TUFT1: variants seen among roughly 807,000 people sequenced by gnomAD.
TUFT1 encodes the protein tuftelin.
A neutral mutation model predicts 57.8 loss-of-function variants in TUFT1; 43 were observed. The ratio of observed to expected loss-of-function variants is 0.74; its 90% CI spans 0.58 to 0.96. The LOEUF is 0.96. TUFT1 is among the 40% of genes least tolerant of loss of function. The probability of loss-of-function intolerance (pLI) is 0.00; values close to 1 mark genes in which losing one functional copy is unlikely to be tolerated. For synonymous variants in TUFT1, 166 were observed against 176.7 expected (o/e 0.94, Z 0.48); for missense variants, 459 against 489.0 (o/e 0.94, Z 0.58).
intron 1 of TUFT1, chr1:151,545,797 C>A (rs975010929): frequency 3.8e-6 from 2 of 531,194 alleles, no homozygotes; most frequent in Non-Finnish European, 7.8e-6. Context: ...AGGGTGAAGA[C>A]CTGAGTAACC....
Position 151,557,108 on chromosome 1 carries a change from A to G in TUFT1, c.61-4983A>G, listed in dbSNP as rs528564616. Reference sequence around the variant, plus strand: ...TTTAGGATTCCATTTTTATTCATTTATAATGTTTTTGAGTGTTATCTCTTT... The same window carrying G: ...TTTAGGATTCCATTTTTATTCATTTGTAATGTTTTTGAGTGTTATCTCTTT... On this transcript the variant is annotated intron_variant, in intron 1 of 12. Coordinates refer to ENST00000368849, the MANE Select transcript of TUFT1 (RefSeq NM_020127.3). Among the ~76,000 whole-genome samples the G allele has an allele frequency of 4.6e-5, 7 of 152,064 alleles. No homozygotes were observed. In the East Asian group the frequency reaches 7.7e-4, roughly 17 times the overall value.
chr1:151,561,789 T>C, intron 1 of TUFT1: 1 of 1,385,862 alleles, frequency 7.2e-7, no homozygotes, highest in Non-Finnish European at 9.5e-7. Flanking sequence ...GAAGAATGCA[T>C]GCAATGTGTT....
chr1:151,557,517 G>A lies in TUFT1; in HGVS notation c.61-4574G>A, dbSNP rs1037389865. 1.3e-5 allele frequency: 18 copies of A among 1,352,960 alleles called. No individual in the cohort carries two copies. The African/African-American group carries it at 2.3e-4, about 17-fold the overall frequency. The allele number at this position is 1,352,960 out of a possible 1,614,324, so 83.8% of individuals were successfully genotyped here. ...AGGAGGGAGTCATGGTGGCCAAGAA[G>A]GATGTCCACATGCCTAAGCACCGGG... On this transcript the variant is annotated intron_variant, in intron 1 of 12. Transcript: ENST00000368849.
In TUFT1 at chr1:151,564,005, C is replaced by T; in HGVS notation, c.324+15C>T. On this transcript the variant is annotated intron_variant, in intron 4 of 12. Coordinates refer to ENST00000368849, the MANE Select transcript of TUFT1 (RefSeq NM_020127.3). Reference sequence around the variant, plus strand: ...ACATCCAGGAGGTGGGCACCCCTTACCTCTCACGCAGTGCCTAGGTCATTT... The same window carrying T: ...ACATCCAGGAGGTGGGCACCCCTTATCTCTCACGCAGTGCCTAGGTCATTT... The T allele has an allele frequency of 6.2e-7, 1 of 1,602,296 alleles. No homozygotes were observed. The highest frequency in any genetic ancestry group is 8.5e-7 in the Non-Finnish European group (1 of 1,170,256).
chr1:151,571,153 AAAGG>A (rs1486328136), intron 7 of TUFT1, among the ~76,000 whole-genome samples: 2 of 152,252 alleles, frequency 1.3e-5, no homozygotes, highest in Non-Finnish European at 2.9e-5. Context: ...GTAAAAAGAG[AAAGG>A]CCAGCTTGAA....
At chr1:151,550,611 C>T (rs142847870) in intron 1 of TUFT1, among the ~76,000 whole-genome samples, 1,850 of 152,318 alleles carry the variant, frequency 0.012, 36 homozygotes, top group African/African-American at 0.042. Flanking sequence ...TTCCAAAGTG[C>T]TGGGATTACA....
chr1:151,561,036 C>G (rs1363456969), intron 1 of TUFT1, among the ~76,000 whole-genome samples: 1 of 151,264 alleles, frequency 6.6e-6, no homozygotes, highest in Non-Finnish European at 1.5e-5. Context: ...CTCTGTCACC[C>G]AGGCTGGAGT....
chr1:151,581,309 A>G (rs975117987), intron 12 of TUFT1, among the ~76,000 whole-genome samples: 1 of 152,302 alleles, frequency 6.6e-6, no homozygotes, highest in East Asian at 1.9e-4. Flanking sequence ...TAATGTTTGC[A>G]TATTTCTAGG....
chr1:151,546,426 T>G (rs980567458), intron 1 of TUFT1, among the ~76,000 whole-genome samples: 1 of 152,226 alleles, frequency 6.6e-6, no homozygotes, highest in African/African-American at 2.4e-5. Context: ...TCAGTGGTTT[T>G]TAGTACATTC....
At chr1:151,546,268 T>TTA (rs1479631949) in intron 1 of TUFT1, among the ~76,000 whole-genome samples, 1 of 152,168 alleles carries the variant, frequency 6.6e-6, no homozygotes, top group Non-Finnish European at 1.5e-5. Flanking sequence ...CTCAAGTAGT[T>TTA]TAATGCCAAG....
At position 151,569,754 on chromosome 1, in the gene TUFT1, A is replaced by T; in HGVS notation, c.578A>T (p.Asp193Val). 1.2e-6 allele frequency: 2 copies of T among 1,613,918 alleles called. No individual in the cohort carries two copies. Among genetic ancestry groups the T allele is most frequent in the South Asian group, 2.2e-5 (2 of 91,072 alleles). ...GAGGCCAAGCGGCAACACCAGTCAGACTGTGTGGCTTTTGAGGTGAGATTT... is the reference window on the plus strand; with the variant it reads ...GAGGCCAAGCGGCAACACCAGTCAGTCTGTGTGGCTTTTGAGGTGAGATTT... ...LQEAKRQHQS[D>V]CVAFEVTLSR... is the part of the protein sequence containing the mutation. Residue 193 changes from aspartate to valine, a missense_variant, in exon 7 of 13, where the codon GAC becomes GTC. By Grantham distance (152) the Asp-to-Val change is radical. Transcript: ENST00000368849.
At chr1:151,557,537 A>G in intron 1 of TUFT1, 2 of 1,229,154 alleles carry the variant, frequency 1.6e-6, no homozygotes, top group Non-Finnish European at 2.4e-6. Flanking sequence ...ATGCCTAAGC[A>G]CCGGGAGCTG....
At chr1:151,553,790 G>A (rs761984396) in intron 1 of TUFT1, among the ~76,000 whole-genome samples, 30 of 152,146 alleles carry the variant, frequency 2.0e-4, no homozygotes, top group Non-Finnish European at 3.5e-4. Flanking sequence ...CAGAGTGTCG[G>A]TTGTTCCACA....
intron 1 of TUFT1, among the ~76,000 whole-genome samples, chr1:151,546,760 C>T (rs752094126): frequency 2.6e-5 from 4 of 152,040 alleles, no homozygotes; most frequent in African/African-American, 9.7e-5. Context: ...CAACTGTGTT[C>T]GTCATGGATA....
At chr1:151,548,562 A>G (rs1345344214) in intron 1 of TUFT1, among the ~76,000 whole-genome samples, 5 of 152,042 alleles carry the variant, frequency 3.3e-5, no homozygotes, top group Admixed American at 2.6e-4. Context: ...TGGCCTCCCA[A>G]AGTGCTGGGA....
At chr1:151,559,087 G>C (rs1424516409) in intron 1 of TUFT1, among the ~76,000 whole-genome samples, 1 of 152,148 alleles carries the variant, frequency 6.6e-6, no homozygotes, top group Non-Finnish European at 1.5e-5. Context: ...CCCTGGTCGA[G>C]ATACTGTTTT....
chr1:151,540,437 G>A lies in TUFT1; in HGVS notation c.60+11G>A. The A allele has an allele frequency of 6.2e-7, 1 of 1,614,160 alleles. No homozygotes were observed. Among genetic ancestry groups the A allele is most frequent in the South Asian group, 1.1e-5 (1 of 91,090 alleles). ...GAGGACCAGGCGGCGGTAAGAAAAA[G>A]CGCTCTCGCTGTCTTCTCCGTTTTG... On this transcript the variant is annotated intron_variant, in intron 1 of 12. Coordinates refer to ENST00000368849, the MANE Select transcript of TUFT1 (RefSeq NM_020127.3).
intron 6 of TUFT1, 70 bp downstream of exon 6, chr1:151,566,298 GTTTA>G (rs1666077041): frequency 1.6e-6 from 2 of 1,265,454 alleles, no homozygotes; most frequent in Admixed American, 3.9e-5. Flanking sequence ...CCATCCTTTT[GTTTA>G]TTGCTTTCTC....
rs1666070210 is a variant in TUFT1 at position 151,566,156 on chromosome 1, T to C, written c.415-7T>C. The stretch of plus-strand genomic sequence containing the variant: ...TTTAACTACCAATTTTATTTTTCTT[T>C]GAACAGGTGGTGCTAGAAAAGCCAA... On this transcript the variant is annotated splice_region_variant and splice_polypyrimidine_tract_variant and intron_variant, in intron 5 of 12. Coordinates refer to ENST00000368849, the MANE Select transcript of TUFT1 (RefSeq NM_020127.3). 1.9e-6 allele frequency: 3 copies of C among 1,605,142 alleles called. No homozygotes were observed. The highest frequency in any genetic ancestry group is 2.2e-5 in the East Asian group (1 of 44,768).
Sources: gnomAD v4.1 joint callset for allele counts (sites outside exome capture counted in the v4.1 genomes callset) on GRCh38, gnomAD v4.1.1 for gene constraint, MANE v1.5 for transcripts, NCBI Gene and HGNC (gene_info 2026-07-23, HGNC 2026-07-21) for gene names.